CSMD1: variants seen among roughly 807,000 people sequenced by gnomAD.
The protein encoded by CSMD1 is CUB and sushi domain-containing protein 1.
A neutral mutation model predicts 417.5 loss-of-function variants in CSMD1; 213 were observed. The observed-to-expected ratio is 0.51, with a 90% confidence interval of 0.46 to 0.57. CSMD1 has a LOEUF of 0.57. Ranked by LOEUF, CSMD1 falls within the 20% of genes least tolerant of loss-of-function variation. The probability of loss-of-function intolerance (pLI) is 0.00; values close to 1 mark genes in which losing one functional copy is unlikely to be tolerated. For synonymous variants in CSMD1, 2,862 were observed against 1,736.8 expected, an observed-to-expected ratio of 1.65 and a Z score of -16.11; for missense variants, 6,923 against 4,529.7, an observed-to-expected ratio of 1.53 and a Z score of -15.17.
intron 2 of CSMD1, among the ~76,000 whole-genome samples, chr8:4,533,598 T>G (rs1049768870): frequency 2.0e-5 from 3 of 152,124 alleles, no homozygotes; most frequent in Non-Finnish European, 4.4e-5. Context: ...GAGAAGAGGA[T>G]GTTAAACAAG....
intron 1 of CSMD1, among the ~76,000 whole-genome samples, chr8:4,809,819 C>T (rs886964405): frequency 1.3e-5 from 2 of 152,144 alleles, no homozygotes; most frequent in African/African-American, 4.8e-5. Context: ...TAGTACATAT[C>T]ATTGTGGACC....
intron 51 of CSMD1, among the ~76,000 whole-genome samples, chr8:3,021,692 TGC>T (rs1809412349): frequency 8.7e-6 from 1 of 114,362 alleles, no homozygotes; most frequent in Non-Finnish European, 1.9e-5. Context: ...GGAATGCACC[TGC>T]AATCCCACAG....
intron 2 of CSMD1, among the ~76,000 whole-genome samples, chr8:4,621,390 G>C (rs1014772852): frequency 2.1e-4 from 32 of 152,038 alleles, no homozygotes; most frequent in African/African-American, 7.2e-4. Context: ...TTTGGGATTT[G>C]GAATTTTATA....
At position 3,406,206 on chromosome 8, in the gene CSMD1, T is replaced by A. The variant is rs1222783445; in HGVS notation, c.2087A>T (p.Glu696Val). The A allele has an allele frequency of 1.2e-6, 2 of 1,607,200 alleles. No individual in the cohort carries two copies. The highest frequency in any genetic ancestry group is 2.2e-5 in the South Asian group (2 of 89,906). Residue 696 changes from glutamate to valine, a missense_variant, in exon 15 of 70, where the codon GAG becomes GTG. Transcript: ENST00000635120. ...NITYTTFGQN[E>V]CHDPGIPING... is the part of the protein sequence containing the mutation. ...TATAGGAATGCCAGGATCATGGCAC[T>A]CATTCTGACCAAATGCTGAAAGAAA...
intron 7 of CSMD1, among the ~76,000 whole-genome samples, chr8:3,705,115 G>C (rs1001719165): frequency 1.3e-5 from 2 of 152,238 alleles, no homozygotes; most frequent in Admixed American, 6.5e-5. Flanking sequence ...CAAAGGCTCT[G>C]TTTGCAAAAG....
intron 3 of CSMD1, among the ~76,000 whole-genome samples, chr8:4,368,837 T>A (rs1487974341): frequency 1.3e-5 from 2 of 152,230 alleles, no homozygotes; most frequent in East Asian, 3.9e-4. Flanking sequence ...AGTGTCTTTA[T>A]TTGGGTCTTC....
At chr8:3,778,377 A>T (rs527581852) in intron 5 of CSMD1, among the ~76,000 whole-genome samples, 1 of 152,202 alleles carries the variant, frequency 6.6e-6, no homozygotes, top group Non-Finnish European at 1.5e-5. Context: ...TTCGGTAAGA[A>T]GACCGGGGGC....
intron 1 of CSMD1, among the ~76,000 whole-genome samples, chr8:4,801,441 G>T (rs1053760963): frequency 1.3e-5 from 2 of 150,678 alleles, no homozygotes; most frequent in African/African-American, 4.9e-5. Context: ...ACTCTTAGCG[G>T]ACTTGACAGC....
intron 21 of CSMD1, among the ~76,000 whole-genome samples, chr8:3,357,672 G>T (rs1254925735): frequency 1.3e-5 from 2 of 152,102 alleles, no homozygotes; most frequent in African/African-American, 4.8e-5. Context: ...ATTTCATTGA[G>T]TTGGGGGTTT....
At chr8:3,619,760 C>T (rs1802329122) in intron 7 of CSMD1, among the ~76,000 whole-genome samples, 2 of 151,834 alleles carry the variant, frequency 1.3e-5, no homozygotes, top group Middle Eastern at 3.4e-3. Context: ...CAGGTTTCTC[C>T]ATAGACATTT....
At chr8:3,458,984 G>T (rs1272844113) in intron 12 of CSMD1, among the ~76,000 whole-genome samples, 2 of 152,226 alleles carry the variant, frequency 1.3e-5, no homozygotes, top group Admixed American at 1.3e-4. Context: ...CTCTCAAGCT[G>T]GGCCTTGGGG....
intron 10 of CSMD1, among the ~76,000 whole-genome samples, chr8:3,533,325 C>G (rs1798056761): frequency 6.6e-6 from 1 of 152,152 alleles, no homozygotes; most frequent in African/African-American, 2.4e-5. Flanking sequence ...CGAGATTGTA[C>G]AGCAGATCTC....
At chr8:4,191,988 G>C (rs1584994110) in intron 3 of CSMD1, among the ~76,000 whole-genome samples, 1 of 152,130 alleles carries the variant, frequency 6.6e-6, no homozygotes, top group Non-Finnish European at 1.5e-5. Flanking sequence ...ACGTCCCTAA[G>C]GATTTCACTC....
intron 5 of CSMD1, among the ~76,000 whole-genome samples, chr8:3,885,890 G>A (rs968990023): frequency 2.0e-5 from 3 of 152,040 alleles, no homozygotes; most frequent in South Asian, 2.1e-4. Flanking sequence ...TTTCTAAATA[G>A]GAGTAAAGTT....
At chr8:3,942,183 C>T (rs1182695718) in intron 5 of CSMD1, among the ~76,000 whole-genome samples, 1 of 151,824 alleles carries the variant, frequency 6.6e-6, no homozygotes, top group Non-Finnish European at 1.5e-5. Context: ...GGTGTGGGCT[C>T]CCACTGATTC....
chr8:4,194,342 C>G (rs1012104700), intron 3 of CSMD1, among the ~76,000 whole-genome samples: 3 of 152,062 alleles, frequency 2.0e-5, no homozygotes, highest in Admixed American at 6.6e-5. Context: ...CAGGAGAAAA[C>G]CACAGACCTA....
At chr8:4,275,514 G>A (rs1344901037) in intron 3 of CSMD1, among the ~76,000 whole-genome samples, 1 of 152,072 alleles carries the variant, frequency 6.6e-6, no homozygotes, top group Non-Finnish European at 1.5e-5. Context: ...AAACAACTGT[G>A]CTGCTTTTGT....
chr8:4,874,746 A>G (rs946580613), intron 1 of CSMD1, among the ~76,000 whole-genome samples: 3 of 151,630 alleles, frequency 2.0e-5, no homozygotes, highest in Non-Finnish European at 2.9e-5. Context: ...CTTAAGTTAT[A>G]TAGATGGATA....
chr8:4,847,202 C>G (rs914041257), intron 1 of CSMD1, among the ~76,000 whole-genome samples: 2 of 152,140 alleles, frequency 1.3e-5, no homozygotes, highest in Non-Finnish European at 2.9e-5. Flanking sequence ...AGGTCTCTCA[C>G]TATATGAAAT....
Sources: allele counts gnomAD v4.1 joint callset (sites outside exome capture counted in the v4.1 genomes callset), GRCh38; gene constraint gnomAD v4.1.1; transcripts MANE v1.5; gene names NCBI Gene and HGNC (gene_info 2026-07-23, HGNC 2026-07-21).